CSMD1: variants seen among roughly 807,000 people sequenced by gnomAD.
CSMD1 encodes the protein CUB and Sushi multiple domains 1.
In CSMD1, 213 loss-of-function variants were observed where a neutral mutation model predicts 417.5. That is an observed-to-expected ratio of 0.51 (90% CI 0.46 to 0.57). CSMD1 has a LOEUF of 0.57. Ranked by LOEUF, CSMD1 falls within the 20% of genes least tolerant of loss-of-function variation. CSMD1 has a pLI of 0.00. For synonymous variants in CSMD1, 2,862 were observed against 1,736.8 expected, an observed-to-expected ratio of 1.65 and a Z score of -16.11; for missense variants, 6,923 against 4,529.7, an observed-to-expected ratio of 1.53 and a Z score of -15.17.
intron 10 of CSMD1, among the ~76,000 whole-genome samples, chr8:3,568,166 G>C (rs1799794994): frequency 6.6e-6 from 1 of 152,090 alleles, no homozygotes; most frequent in African/African-American, 2.4e-5. Flanking sequence ...AAGTCTTTTT[G>C]AGGGTTATAA....
intron 1 of CSMD1, among the ~76,000 whole-genome samples, chr8:4,902,066 G>A (rs912351009): frequency 6.6e-6 from 1 of 152,066 alleles, no homozygotes. Flanking sequence ...TTACATTAAA[G>A]AATATATATG....
intron 3 of CSMD1, among the ~76,000 whole-genome samples, chr8:4,309,826 T>C (rs1313148032): frequency 1.3e-5 from 2 of 152,182 alleles, no homozygotes; most frequent in African/African-American, 2.4e-5. Flanking sequence ...TTACTTCATT[T>C]TAAATATAGC....
chr8:3,874,205 C>A (rs1050749587), intron 5 of CSMD1, among the ~76,000 whole-genome samples: 1 of 152,090 alleles, frequency 6.6e-6, no homozygotes, highest in Non-Finnish European at 1.5e-5. Flanking sequence ...ATGGAGAAGA[C>A]CTTCCTAACC....
intron 1 of CSMD1, among the ~76,000 whole-genome samples, chr8:4,941,200 A>G (rs1201951112): frequency 6.6e-6 from 1 of 152,212 alleles, no homozygotes; most frequent in Admixed American, 6.5e-5. Context: ...TGTAACATTC[A>G]TTCTTGTTTC....
At chr8:4,171,210 C>G (rs1563218856) in intron 3 of CSMD1, among the ~76,000 whole-genome samples, 3 of 151,868 alleles carry the variant, frequency 2.0e-5, no homozygotes. Flanking sequence ...CTGTGTGAAA[C>G]CTACCCGCAA....
intron 52 of CSMD1, among the ~76,000 whole-genome samples, chr8:3,006,185 G>C (rs1471590088): frequency 1.3e-5 from 2 of 151,432 alleles, no homozygotes; most frequent in Non-Finnish European, 2.9e-5. Flanking sequence ...GCTTCAAAGA[G>C]AATAAAATAC....
At chr8:4,544,070 T>C (rs1474690379) in intron 2 of CSMD1, among the ~76,000 whole-genome samples, 1 of 152,202 alleles carries the variant, frequency 6.6e-6, no homozygotes, top group South Asian at 2.1e-4. Context: ...TCCCAGTCTG[T>C]GGCTTGCCTT....
intron 6 of CSMD1, among the ~76,000 whole-genome samples, chr8:3,711,383 C>G (rs150174512): frequency 8.5e-5 from 13 of 152,168 alleles, no homozygotes; most frequent in Admixed American, 3.9e-4. Flanking sequence ...GGCTGTTCAT[C>G]TTCAGCCCGT....
chr8:3,948,674 A>C (rs1811404666), intron 5 of CSMD1, among the ~76,000 whole-genome samples: 6 of 152,212 alleles, frequency 3.9e-5, no homozygotes, highest in Admixed American at 3.9e-4. Flanking sequence ...TAATGGAAGG[A>C]CCAATGAGTT....
At chr8:3,742,193 G>T (rs1315507231) in intron 6 of CSMD1, among the ~76,000 whole-genome samples, 1 of 152,068 alleles carries the variant, frequency 6.6e-6, no homozygotes, top group African/African-American at 2.4e-5. Flanking sequence ...CACCATTAAG[G>T]AGAAGTGATC....
At chr8:4,415,528 T>C (rs1251118829) in intron 3 of CSMD1, among the ~76,000 whole-genome samples, 2 of 152,222 alleles carry the variant, frequency 1.3e-5, no homozygotes, top group Admixed American at 1.3e-4. Context: ...TCTTCCGCCC[T>C]GTTTTATAAA....
Position 4,118,183 on chromosome 8 carries a change from T to C in CSMD1, c.416-86084A>G, listed in dbSNP as rs553232798. Among the ~76,000 whole-genome samples, 12 of 152,256 alleles carry C rather than the reference T, an allele frequency of 7.9e-5. No homozygotes were observed. The East Asian group carries it at 1.2e-3, about 15-fold the overall frequency. Reference sequence around the variant, plus strand: ...GCAGAGGGGTGTGTTGGTACATTTATGCTGGCAAATAGCTATTAATATTAA... The same window carrying C: ...GCAGAGGGGTGTGTTGGTACATTTACGCTGGCAAATAGCTATTAATATTAA... On this transcript the variant is annotated intron_variant, in intron 3 of 69. Transcript: ENST00000635120.
At chr8:4,916,268 A>G (rs1433745540) in intron 1 of CSMD1, among the ~76,000 whole-genome samples, 1 of 149,198 alleles carries the variant, frequency 6.7e-6, no homozygotes, top group Non-Finnish European at 1.5e-5. Flanking sequence ...TGACAAGAAC[A>G]CGGGGTAATA....
chr8:3,077,437 G>C (rs185467608), intron 49 of CSMD1, among the ~76,000 whole-genome samples: 5 of 152,150 alleles, frequency 3.3e-5, no homozygotes, highest in African/African-American at 1.2e-4. Flanking sequence ...GCATCGATGT[G>C]GTCTACATGG....
At chr8:3,852,065 C>A (rs766292618) in intron 5 of CSMD1, among the ~76,000 whole-genome samples, 5 of 152,146 alleles carry the variant, frequency 3.3e-5, no homozygotes, top group South Asian at 2.1e-4. Context: ...TTGAGGCAGA[C>A]TGGAGGAGAT....
intron 2 of CSMD1, among the ~76,000 whole-genome samples, chr8:4,449,016 G>A (rs559229971): frequency 2.6e-5 from 4 of 152,228 alleles, no homozygotes; most frequent in Middle Eastern, 3.4e-3. Context: ...ACTTGTGTGC[G>A]TTCAGCCTAA....
intron 2 of CSMD1, among the ~76,000 whole-genome samples, chr8:4,624,392 G>A (rs772944074): frequency 1.3e-5 from 2 of 152,054 alleles, no homozygotes; most frequent in South Asian, 2.1e-4. Flanking sequence ...ACCAGTTTTG[G>A]GGTCAACTTC....
At chr8:4,629,470 T>C (rs1585357746) in intron 2 of CSMD1, among the ~76,000 whole-genome samples, 2 of 152,206 alleles carry the variant, frequency 1.3e-5, no homozygotes, top group East Asian at 1.9e-4. Flanking sequence ...TGAAGGATTA[T>C]TTAAAATTTT....
intron 5 of CSMD1, among the ~76,000 whole-genome samples, chr8:3,950,232 A>C (rs529489665): frequency 1.9e-4 from 29 of 152,312 alleles, no homozygotes; most frequent in African/African-American, 7.0e-4. Flanking sequence ...CATGCAGTGG[A>C]AGAATTATGA....
Sources: gnomAD v4.1 joint callset for allele counts (sites outside exome capture counted in the v4.1 genomes callset) on GRCh38, gnomAD v4.1.1 for gene constraint, MANE v1.5 for transcripts, NCBI Gene and HGNC (gene_info 2026-07-23, HGNC 2026-07-21) for gene names.